The following FAM171A1 variants were observed in gnomAD, a reference collection of about 807,000 sequenced individuals.
FAM171A1 encodes family with sequence similarity 171 member A1, also known as protein FAM171A1.
In FAM171A1, 23 loss-of-function variants were observed where a neutral mutation model predicts 74.9. The observed-to-expected ratio is 0.31, with a 90% CI of 0.22 to 0.44. FAM171A1 has a LOEUF of 0.44. FAM171A1 is among the 20% of genes least tolerant of loss of function. The pLI is 1.00. For missense variants in FAM171A1, 1,162 were observed against 1,159.2 expected (o/e 1.00, Z -0.03); for synonymous variants, 527 against 505.7 (o/e 1.04, Z -0.57).
chr10:15,311,130 G>A (rs1185304101), intron 1 of FAM171A1, among the ~76,000 whole-genome samples: 1 of 152,170 alleles, frequency 6.6e-6, no homozygotes, highest in Non-Finnish European at 1.5e-5. Flanking sequence ...ACTGCCCCCT[G>A]TTCCTCAAAC....
chr10:15,221,115 G>T, intron 5 of FAM171A1, 55 bp from the exon 6 acceptor site: 1 of 1,418,170 alleles, frequency 7.1e-7, no homozygotes, highest in Non-Finnish European at 9.9e-7. Context: ...CCTTTGTAAG[G>T]CTTGAGCATA....
In FAM171A1 at chr10:15,212,527, TTG is replaced by T. The variant is rs1833902482; in HGVS notation, c.*386_*387del. ...CAACGACAGCTTCACAGTAGGATTA[TTG>T]TGATAAAAATGACTCAAGCGATGCA... On this transcript the variant is annotated 3_prime_UTR_variant, in exon 8 of 8. Coordinates refer to ENST00000378116, the MANE Select transcript of FAM171A1 (RefSeq NM_001010924.2). The T allele has an allele frequency of 8.6e-6, 2 of 232,598 alleles. No homozygotes were observed. The highest frequency in any genetic ancestry group is 4.7e-5 in the African/African-American group (2 of 42,864). The allele number at this position is 232,598 out of a possible 1,614,324, so 14.4% of individuals were successfully genotyped here. A position where few individuals can be genotyped will look rare whatever the true frequency, so the allele number is the denominator to read the frequency against.
At chr10:15,220,907 C>G in intron 6 of FAM171A1, 37 bp downstream of exon 6, 1 of 1,513,450 alleles carries the variant, frequency 6.6e-7, no homozygotes, top group Non-Finnish European at 9.1e-7. Flanking sequence ...ACCAAAGCAA[C>G]TGATCCGCAT....
intron 1 of FAM171A1, among the ~76,000 whole-genome samples, chr10:15,366,330 G>T (rs1433583920): frequency 6.6e-6 from 1 of 152,122 alleles, no homozygotes; most frequent in East Asian, 1.9e-4. Context: ...ACGTTGGCCA[G>T]GCTGGTCTTG....
chr10:15,249,948 G>A (rs1049478622), intron 4 of FAM171A1, among the ~76,000 whole-genome samples: 1 of 152,128 alleles, frequency 6.6e-6, no homozygotes, highest in Non-Finnish European at 1.5e-5. Flanking sequence ...AAAACACAGC[G>A]ATAAAAAATT....
At chr10:15,331,868 TG>T (rs1835640539) in intron 1 of FAM171A1, among the ~76,000 whole-genome samples, 1 of 50,964 alleles carries the variant, frequency 2.0e-5, no homozygotes, top group African/African-American at 8.0e-5. Flanking sequence ...TGTATATATA[TG>T]TGTGTGTATA....
chr10:15,307,739 T>C (rs1451796373), intron 1 of FAM171A1, among the ~76,000 whole-genome samples: 1 of 150,864 alleles, frequency 6.6e-6, no homozygotes, highest in African/African-American at 2.4e-5. Context: ...TCCAATACTG[T>C]GATGTTTCCT....
intron 1 of FAM171A1, among the ~76,000 whole-genome samples, chr10:15,307,312 T>C (rs1835308263): frequency 6.6e-6 from 1 of 152,052 alleles, no homozygotes. Context: ...TAACAGGCCA[T>C]ACACAGGATC....
chr10:15,213,598 A>T lies in FAM171A1; in HGVS notation c.1990T>A (p.Ser664Thr). The change falls in exon 8 of 8, where the codon TCG becomes ACG. Residue 664 changes from serine to threonine, a missense_variant. Ser to Thr is a moderately conservative substitution (Grantham distance 58). Transcript: ENST00000378116. This position sits in a 1 kb window ranked among gnomAD's most constrained non-coding sequence, Gnocchi z 6.8. ...REWSPQNASM[S>T]ESLSIPASLN... The stretch of plus-strand genomic sequence containing the variant: ...GAAGCTGGGATGGAGAGAGACTCCG[A>T]CATGGATGCGTTCTGAGGGCTCCAC... 1 of 1,614,152 alleles carries T rather than the reference A, an allele frequency of 6.2e-7. No individual in the cohort carries two copies. The highest frequency in any genetic ancestry group is 8.5e-7 in the Non-Finnish European group (1 of 1,180,024).
At chr10:15,293,560 T>C (rs560790989) in intron 1 of FAM171A1, among the ~76,000 whole-genome samples, 1 of 148,750 alleles carries the variant, frequency 6.7e-6, no homozygotes, top group African/African-American at 2.5e-5. Flanking sequence ...AAAAAAAATA[T>C]ATATATATAT....
chr10:15,267,642 A>C (rs1834764031), intron 3 of FAM171A1, among the ~76,000 whole-genome samples: 1 of 147,184 alleles, frequency 6.8e-6, no homozygotes, highest in African/African-American at 2.5e-5. Flanking sequence ...GAAGGGGAGA[A>C]GAAGGTTGTG....
At chr10:15,305,824 A>C (rs1835287872) in intron 1 of FAM171A1, among the ~76,000 whole-genome samples, 1 of 152,192 alleles carries the variant, frequency 6.6e-6, no homozygotes, top group Admixed American at 6.6e-5. Context: ...GGGTGAACCC[A>C]TGGTGAAAGT....
intron 1 of FAM171A1, among the ~76,000 whole-genome samples, chr10:15,332,175 C>G (rs372719564): frequency 1.3e-5 from 2 of 151,774 alleles, no homozygotes; most frequent in African/African-American, 4.8e-5. Flanking sequence ...AGGTTGGTCT[C>G]GAACTCCTGA....
intron 5 of FAM171A1, among the ~76,000 whole-genome samples, chr10:15,229,031 T>A (rs1834147448): frequency 6.6e-6 from 1 of 152,260 alleles, no homozygotes. Context: ...TGAATTCTAC[T>A]AGGTCTATAA....
intron 1 of FAM171A1, among the ~76,000 whole-genome samples, chr10:15,336,826 C>T (rs1293248343): frequency 2.6e-5 from 4 of 152,142 alleles, no homozygotes; most frequent in Non-Finnish European, 5.9e-5. Context: ...GAATATGGGG[C>T]CACCTACAAC....
At chr10:15,331,633 C>T (rs750823004) in intron 1 of FAM171A1, among the ~76,000 whole-genome samples, 7 of 151,674 alleles carry the variant, frequency 4.6e-5, no homozygotes, top group Non-Finnish European at 5.9e-5. Context: ...GTTCCAGCAG[C>T]CACTCCTTAT....
intron 6 of FAM171A1, among the ~76,000 whole-genome samples, chr10:15,216,625 G>A (rs2131705436): frequency 6.6e-6 from 1 of 152,040 alleles, no homozygotes; most frequent in African/African-American, 2.4e-5. Context: ...TAGAGGCAAT[G>A]TTCTCACTAT....
In FAM171A1 at chr10:15,223,116, G is replaced by T. The variant is rs1345547911; in HGVS notation, c.755-2056C>A. On this transcript the variant is annotated intron_variant, in intron 5 of 7. Coordinates refer to ENST00000378116, the MANE Select transcript of FAM171A1 (RefSeq NM_001010924.2). ...GCACTTTGGGAGGTCAAGGTGGGAG[G>T]ATCACTTGAAGCCAGGAGTTCGAGA... Among the ~76,000 whole-genome samples the T allele has an allele frequency of 4.3e-4, 66 of 152,180 alleles. 1 individual carries two copies.
chr10:15,278,956 C>T (rs1386282196), intron 2 of FAM171A1, among the ~76,000 whole-genome samples: 4 of 152,148 alleles, frequency 2.6e-5, no homozygotes, highest in Admixed American at 2.0e-4. Flanking sequence ...CTAGCAGATG[C>T]TGCTGGTAGG....
Sources: gnomAD v4.1 joint callset for allele counts (sites outside exome capture counted in the v4.1 genomes callset) on GRCh38, gnomAD v4.1.1 for gene constraint, Gnocchi (gnomAD v3.1) non-coding constraint, MANE v1.5 for transcripts, NCBI Gene and HGNC (gene_info 2026-07-23, HGNC 2026-07-21) for gene names.